Variants in KIAA0232 observed in about 807,000 individuals in gnomAD.
KIAA0232 encodes uncharacterized protein KIAA0232.
Under a neutral mutation model 122.0 loss-of-function variants are expected in KIAA0232, and 27 were observed. The ratio of observed to expected loss-of-function variants is 0.22; its 90% CI spans 0.16 to 0.31. KIAA0232 has a LOEUF of 0.31. Ranked by LOEUF, KIAA0232 falls within the 10% of genes least tolerant of loss-of-function variation. The probability of loss-of-function intolerance (pLI) is 1.00; values close to 1 mark genes in which losing one functional copy is unlikely to be tolerated. For synonymous variants in KIAA0232, 613 were observed against 587.6 expected, an observed-to-expected ratio of 1.04 and a Z score of -0.63; for missense variants, 1,551 against 1,634.2, an observed-to-expected ratio of 0.95 and a Z score of 0.88.
chr4:6,824,753 G>T (rs2109035467), intron 3 of KIAA0232, 69 bp downstream of exon 3: 4 of 1,318,420 alleles, frequency 3.0e-6, no homozygotes, highest in Non-Finnish European at 4.3e-6. Flanking sequence ...TCTTAAACAA[G>T]CACTTTTATA....
At chr4:6,824,067 A>T (rs1225700382) in intron 2 of KIAA0232, 118 bp from the exon 3 acceptor site, 1 of 395,076 alleles carries the variant, frequency 2.5e-6, no homozygotes, top group Non-Finnish European at 4.5e-6. Context: ...TCAGTGTTCT[A>T]AGATACCAAA....
In KIAA0232 at chr4:6,862,713, T is replaced by A. The variant is rs1720943157; in HGVS notation, c.2331T>A (p.Ile777=). 1 of 1,611,126 alleles carries A rather than the reference T, an allele frequency of 6.2e-7. No individual in the cohort carries two copies. The highest frequency in any genetic ancestry group is 2.2e-5 in the East Asian group (1 of 44,864). ...CQQNSRTLGE[I]PTLVFKKTSK... ...AAAACAGTAGAACTTTAGGTGAGAT[T>A]CCTACATTAGTTTTCAAAAAAACAT... Residue 777 remains isoleucine (I), a synonymous_variant, in exon 7 of 10, where the codon ATT becomes ATA. Coordinates refer to ENST00000307659, the MANE Select transcript of KIAA0232 (RefSeq NM_014743.3).
At chr4:6,793,499 A>G (rs1237687558) in intron 1 of KIAA0232, among the ~76,000 whole-genome samples, 1 of 152,258 alleles carries the variant, frequency 6.6e-6, no homozygotes, top group Non-Finnish European at 1.5e-5. Context: ...GTGTTAAGAT[A>G]GCTATCTCTG....
At chr4:6,877,401 C>G (rs1721815926) in intron 9 of KIAA0232, among the ~76,000 whole-genome samples, 1 of 152,136 alleles carries the variant, frequency 6.6e-6, no homozygotes, top group Non-Finnish European at 1.5e-5. Flanking sequence ...GCAAATGAAC[C>G]TAAGGAAAAT....
intron 1 of KIAA0232, among the ~76,000 whole-genome samples, chr4:6,798,357 A>C (rs772447728): frequency 5.3e-5 from 8 of 152,230 alleles, no homozygotes; most frequent in Non-Finnish European, 1.0e-4. Context: ...CTAGGTACTT[A>C]AGGCATGAGC....
chr4:6,821,718 G>A (rs1338636928), intron 2 of KIAA0232, among the ~76,000 whole-genome samples: 2 of 150,586 alleles, frequency 1.3e-5, no homozygotes, highest in Admixed American at 6.6e-5. Flanking sequence ...ATATATATAT[G>A]TATATACATA....
At chr4:6,810,708 A>G (rs937986127) in intron 2 of KIAA0232, among the ~76,000 whole-genome samples, 4 of 152,230 alleles carry the variant, frequency 2.6e-5, no homozygotes, top group Non-Finnish European at 5.9e-5. Flanking sequence ...TCCAGAATAT[A>G]CAAGGAATTC....
chr4:6,793,561 C>A (rs1717000676), intron 1 of KIAA0232, among the ~76,000 whole-genome samples: 1 of 152,116 alleles, frequency 6.6e-6, no homozygotes, highest in Non-Finnish European at 1.5e-5. Context: ...ATAGGCGAGT[C>A]AGAAATGAAA....
intron 1 of KIAA0232, among the ~76,000 whole-genome samples, chr4:6,792,842 A>C (rs192629940): frequency 6.6e-5 from 10 of 151,980 alleles, no homozygotes; most frequent in African/African-American, 2.4e-4. Flanking sequence ...GGTGCCCACC[A>C]CCACGCCCGG....
At chr4:6,815,321 AAGTT>A (rs1718068963) in intron 2 of KIAA0232, among the ~76,000 whole-genome samples, 1 of 152,194 alleles carries the variant, frequency 6.6e-6, no homozygotes, top group Non-Finnish European at 1.5e-5. Context: ...TACGTGAAGT[AAGTT>A]TTAATTAAAC....
intron 4 of KIAA0232, among the ~76,000 whole-genome samples, chr4:6,842,797 C>T (rs1023191555): frequency 1.1e-4 from 17 of 152,168 alleles, no homozygotes; most frequent in African/African-American, 4.1e-4. Flanking sequence ...CCATGTTGGC[C>T]AGGCTGGTCT....
intron 1 of KIAA0232, among the ~76,000 whole-genome samples, chr4:6,786,740 G>T (rs1465244259): frequency 2.0e-4 from 30 of 152,112 alleles, no homozygotes; most frequent in Non-Finnish European, 2.9e-5. Flanking sequence ...TCACATAAGT[G>T]GTATTTTATA....
At chr4:6,812,714 G>A (rs1425406503) in intron 2 of KIAA0232, among the ~76,000 whole-genome samples, 1 of 152,088 alleles carries the variant, frequency 6.6e-6, no homozygotes, top group East Asian at 1.9e-4. Context: ...TGAATATATC[G>A]GTTGAATAGA....
At chr4:6,807,038 CTAT>C in intron 2 of KIAA0232, among the ~76,000 whole-genome samples, 1 of 70,884 alleles carries the variant, frequency 1.4e-5, no homozygotes, top group South Asian at 4.1e-4. Context: ...GTCTGTCTAT[CTAT>C]CTATCTATCT....
Position 6,880,921 on chromosome 4 carries a change from G to C in KIAA0232, c.4143G>C (p.Trp1381Cys), listed in dbSNP as rs1577427438. ...CAGGCTCAGAAGGCGGAGGCGAGTG[G>C]GTGGGCCCTAGTGAAGAGGAGCTCT... The part of the protein sequence containing the change: ...EETGSEGGGE[W>C]VGPSEEELFS... Residue 1381 changes from tryptophan (W) to cysteine (C), a missense_variant, in exon 10 of 10, where the codon TGG (tryptophan) becomes TGC (cysteine). Physicochemically the swap from Trp to Cys is radical, Grantham distance 215 (BLOSUM62 -2). Transcript: ENST00000307659. 8 of 1,599,084 alleles carry C rather than the reference G, an allele frequency of 5.0e-6. No individual in the cohort carries two copies. The highest frequency in any genetic ancestry group is 1.7e-4 in the Middle Eastern group (1 of 6,026).
intron 7 of KIAA0232, among the ~76,000 whole-genome samples, chr4:6,867,137 G>A (rs1055705290): frequency 3.3e-5 from 5 of 152,134 alleles, no homozygotes; most frequent in Non-Finnish European, 7.3e-5. Context: ...TCCATCGTAT[G>A]GATATACCGT....
At chr4:6,821,374 C>G (rs543963902) in intron 2 of KIAA0232, among the ~76,000 whole-genome samples, 6 of 152,064 alleles carry the variant, frequency 3.9e-5, no homozygotes, top group Non-Finnish European at 8.8e-5. Flanking sequence ...TTACCCGTCT[C>G]CCACCCTTTC....
chr4:6,794,252 C>T (rs1489199652), intron 1 of KIAA0232, among the ~76,000 whole-genome samples: 1 of 152,198 alleles, frequency 6.6e-6, no homozygotes, highest in Admixed American at 6.5e-5. Context: ...AGCTGTGCAT[C>T]CTGCACCGGA....
At chr4:6,787,237 A>T (rs1483657280) in intron 1 of KIAA0232, among the ~76,000 whole-genome samples, 1 of 151,338 alleles carries the variant, frequency 6.6e-6, no homozygotes, top group Non-Finnish European at 1.5e-5. Context: ...TTCCCAAGAG[A>T]TTACATGCTT....
Sources: gnomAD v4.1 joint callset for allele counts (sites outside exome capture counted in the v4.1 genomes callset) on GRCh38, gnomAD v4.1.1 for gene constraint, MANE v1.5 for transcripts, NCBI Gene and HGNC (gene_info 2026-07-23, HGNC 2026-07-21) for gene names.